Variants in TP63 observed in about 807,000 individuals in gnomAD.
TP63 encodes the protein tumor protein p63.
TP63 carries 17 observed loss-of-function variants against 82.8 expected under a neutral mutation model. The ratio of observed to expected loss-of-function variants is 0.21; its 90% CI spans 0.14 to 0.31. The LOEUF (loss-of-function observed/expected upper bound fraction) is 0.31. Among genes scored for constraint, TP63 ranks in the 10% least tolerant of loss-of-function variants. The pLI, the probability that TP63 is intolerant of heterozygous loss-of-function variation, is 1.00. For synonymous variants in TP63, 330 were observed against 321.7 expected, an observed-to-expected ratio of 1.03 and a Z score of -0.28; for missense variants, 648 against 895.3, an observed-to-expected ratio of 0.72 and a Z score of 3.52.
intron 4 of TP63, among the ~76,000 whole-genome samples, chr3:189,821,517 G>A (rs1728791435): frequency 6.6e-6 from 1 of 152,176 alleles, no homozygotes; most frequent in African/African-American, 2.4e-5. Context: ...GAACAACAAG[G>A]GAAAGAATTA....
intron 3 of TP63, among the ~76,000 whole-genome samples, chr3:189,793,575 G>A (rs6778036): frequency 0.87 from 132,681 of 152,020 alleles, 58,040 homozygotes; most frequent in African/African-American, 0.91. Context: ...AATACACCCT[G>A]GTTTTCTTTG....
intron 1 of TP63, among the ~76,000 whole-genome samples, chr3:189,667,331 C>A (rs1447499105): frequency 6.6e-6 from 1 of 151,890 alleles, no homozygotes; most frequent in African/African-American, 2.4e-5. Context: ...CCCGCCACCA[C>A]GCCTGGCCAA....
chr3:189,736,328 A>C (rs1720592816), intron 1 of TP63, among the ~76,000 whole-genome samples: 1 of 151,962 alleles, frequency 6.6e-6, no homozygotes, highest in South Asian at 2.1e-4. Context: ...TTTTCAAAAT[A>C]TTAACACAGA....
At chr3:189,780,806 A>G (rs545139199) in intron 3 of TP63, among the ~76,000 whole-genome samples, 1 of 152,264 alleles carries the variant, frequency 6.6e-6, no homozygotes, top group Non-Finnish European at 1.5e-5. Context: ...TCATACCTAA[A>G]TTACTTCCAC....
chr3:189,624,148 G>C, the TP63 span, among the ~76,000 whole-genome samples: 1 of 152,042 alleles, frequency 6.6e-6, no homozygotes, highest in Non-Finnish European at 1.5e-5. Flanking sequence ...GAAATCCATA[G>C]TTATGGTAAA....
chr3:189,807,463 C>T (rs1290198337), intron 3 of TP63, among the ~76,000 whole-genome samples: 2 of 152,112 alleles, frequency 1.3e-5, no homozygotes, highest in Non-Finnish European at 2.9e-5. Flanking sequence ...GACATAAAAA[C>T]GTTTGGCAGA....
chr3:189,718,827 G>T (rs1433127127), intron 1 of TP63, among the ~76,000 whole-genome samples: 1 of 151,838 alleles, frequency 6.6e-6, no homozygotes, highest in African/African-American at 2.4e-5. Flanking sequence ...GAAAAAGATG[G>T]AAATTACTTT....
intron 1 of TP63, among the ~76,000 whole-genome samples, chr3:189,636,073 GTTACAGT>G: frequency 6.6e-6 from 1 of 152,020 alleles, no homozygotes; most frequent in Non-Finnish European, 1.5e-5. Flanking sequence ...GAAATATTAA[GTTACAGT>G]TTATCTTCAG....
chr3:189,656,859 G>A (rs1215337108), intron 1 of TP63, among the ~76,000 whole-genome samples: 9 of 151,802 alleles, frequency 5.9e-5, no homozygotes, highest in Admixed American at 5.9e-4. Context: ...AGAAGTGAAG[G>A]GGAAAATAGA....
In TP63 at chr3:189,894,206, G is replaced by A. The variant is rs2108872876; in HGVS notation, c.1747G>A (p.Asp583Asn). 1 of 1,614,014 alleles carries A rather than the reference G, an allele frequency of 6.2e-7. No homozygotes were observed. Among genetic ancestry groups the A allele is most frequent in the Non-Finnish European group, 8.5e-7 (1 of 1,180,004 alleles). ...CATGACACCTTCCCCTGTTGCACAG[G>A]ATCTGGCAAGTCTGAAAATCCCTGA... ...IYQIEHYSMD[D>N]LASLKIPEQF... The change falls in exon 14 of 14, where the codon GAT (aspartate) becomes AAT (asparagine). Residue 583 changes from aspartate to asparagine, a missense_variant and splice_region_variant. Coordinates refer to ENST00000264731, the MANE Select transcript of TP63 (RefSeq NM_003722.5).
chr3:189,784,593 A>C (rs1158040944), intron 3 of TP63, among the ~76,000 whole-genome samples: 1 of 152,124 alleles, frequency 6.6e-6, no homozygotes, highest in Non-Finnish European at 1.5e-5. Context: ...TGCAGAATCT[A>C]AATTCTGTCT....
intron 3 of TP63, among the ~76,000 whole-genome samples, chr3:189,792,994 C>T (rs1272455079): frequency 6.6e-6 from 1 of 151,992 alleles, no homozygotes; most frequent in Non-Finnish European, 1.5e-5. Flanking sequence ...ATTAAGCTGT[C>T]CCATGTTGTA....
At chr3:189,861,132 G>T (rs1480144570) in intron 4 of TP63, among the ~76,000 whole-genome samples, 1 of 147,848 alleles carries the variant, frequency 6.8e-6, no homozygotes, top group Non-Finnish European at 1.5e-5. Flanking sequence ...GGCCAGGCAT[G>T]TCTTGAGCTC....
intron 1 of TP63, among the ~76,000 whole-genome samples, chr3:189,678,387 G>C (rs1435307841): frequency 6.6e-6 from 1 of 151,770 alleles, no homozygotes; most frequent in Admixed American, 6.6e-5. Flanking sequence ...AAGATAAGTT[G>C]GTTGTAGATA....
chr3:189,830,278 T>C (rs1439371792), intron 4 of TP63, among the ~76,000 whole-genome samples: 2 of 152,198 alleles, frequency 1.3e-5, no homozygotes, highest in Admixed American at 6.5e-5. Flanking sequence ...ATACAAAAGA[T>C]TGATAATTTG....
intron 4 of TP63, among the ~76,000 whole-genome samples, chr3:189,840,129 T>G (rs1713764587): frequency 6.6e-6 from 1 of 152,192 alleles, no homozygotes; most frequent in South Asian, 2.1e-4. Context: ...GTAAGTCTTA[T>G]TTTTTACATC....
intron 1 of TP63, among the ~76,000 whole-genome samples, chr3:189,715,755 A>G (rs1369203283): frequency 2.0e-5 from 3 of 152,210 alleles, no homozygotes; most frequent in Non-Finnish European, 4.4e-5. Context: ...TTATCACTGT[A>G]TAAATTTCTG....
At chr3:189,726,037 A>C (rs553306725) in intron 1 of TP63, among the ~76,000 whole-genome samples, 56 of 136,130 alleles carry the variant, frequency 4.1e-4, no homozygotes, top group African/African-American at 1.5e-3. Flanking sequence ...CCTAGGCAAC[A>C]GAGCGAGAGT....
At chr3:189,792,949 T>G (rs1056641584) in intron 3 of TP63, among the ~76,000 whole-genome samples, 1 of 152,082 alleles carries the variant, frequency 6.6e-6, no homozygotes, top group Non-Finnish European at 1.5e-5. Context: ...TTAAAAGATA[T>G]GGGTGTGAGT....
Sources: allele counts gnomAD v4.1 joint callset (sites outside exome capture counted in the v4.1 genomes callset), GRCh38; gene constraint gnomAD v4.1.1; transcripts MANE v1.5; gene names NCBI Gene and HGNC (gene_info 2026-07-23, HGNC 2026-07-21).